The following TMC2 variants were observed in gnomAD, a reference collection of about 807,000 sequenced individuals.
TMC2 encodes the protein transmembrane channel-like protein 2.
In TMC2, 102 loss-of-function variants were observed where a neutral mutation model predicts 105.9. That is an observed-to-expected ratio of 0.96 (90% CI 0.82 to 1.14). TMC2 has a LOEUF of 1.14. TMC2 is among the 50% of genes most tolerant of loss of function. TMC2 has a pLI of 0.00. For synonymous variants in TMC2, 402 were observed against 422.8 expected, an observed-to-expected ratio of 0.95 and a Z score of 0.60; for missense variants, 1,093 against 1,134.3, an observed-to-expected ratio of 0.96 and a Z score of 0.52.
At position 2,591,765 on chromosome 20, in the gene TMC2, G is replaced by GGAAAA. The variant is rs201064401; in HGVS notation, c.835-535_835-531dup. On this transcript the variant is annotated intron_variant, in intron 7 of 19. Coordinates refer to ENST00000358864, the MANE Select transcript of TMC2 (RefSeq NM_080751.3). ...GAAAAGAAAAGAAAAGAAAAGGAAA[G>GGAAAA]GAAAAGAAAAGAAACGCTCTTCTGT... is the stretch of plus-strand genomic sequence containing the variant. Among the ~76,000 whole-genome samples, 118 of 151,674 alleles carry GGAAAA rather than the reference G, an allele frequency of 7.8e-4. 1 individual carries two copies. The East Asian group carries it at 0.021, about 27-fold the overall frequency.
At chr20:2,625,204 T>C (rs1447695338) in intron 17 of TMC2, among the ~76,000 whole-genome samples, 5 of 152,334 alleles carry the variant, frequency 3.3e-5, no homozygotes, top group African/African-American at 1.2e-4. Context: ...AAAAATCTTA[T>C]TTTGGCATGC....
intron 2 of TMC2, among the ~76,000 whole-genome samples, chr20:2,549,080 T>C (rs2085941719): frequency 6.6e-6 from 1 of 152,142 alleles, no homozygotes; most frequent in South Asian, 2.1e-4. Flanking sequence ...GGTTTTTTGG[T>C]TTTGTATTTG....
rs1307384245 is a variant in TMC2, at chr20:2,602,259, A to G, written c.1371A>G (p.Gln457=). 3.1e-6 allele frequency: 5 copies of G among 1,609,732 alleles called. No homozygotes were observed. Among genetic ancestry groups the G allele is most frequent in the South Asian group, 2.2e-5 (2 of 90,010 alleles). ...LIYFVVKRSQ[Q]FSKMQNVSWY... ...ACTTTGTGGTTAAGCGATCTCAGCA[A>G]TTCTCCAAAATGCAGAATGTCAGCT... The change falls in exon 11 of 20, where the codon CAA becomes CAG. Residue 457 remains glutamine (Q), a synonymous_variant. Transcript: ENST00000358864.
At position 2,562,218 on chromosome 20, in the gene TMC2, C is replaced by T. The variant is rs527458632; in HGVS notation, c.554+208C>T. On this transcript the variant is annotated intron_variant, in intron 4 of 19. Coordinates refer to ENST00000358864, the MANE Select transcript of TMC2 (RefSeq NM_080751.3). The stretch of plus-strand genomic sequence containing the variant: ...CCTAGAGGGGGAGCCATGGAAGACT[C>T]GGAGGACTCCCGACCTGTGCCCATG... Among the ~76,000 whole-genome samples, 23 of 152,374 alleles carry T rather than the reference C, an allele frequency of 1.5e-4. No individual in the cohort carries two copies. The East Asian group carries it at 3.7e-3, about 24-fold the overall frequency.
intron 17 of TMC2, among the ~76,000 whole-genome samples, chr20:2,632,340 A>C (rs183184551): frequency 7.2e-5 from 11 of 151,844 alleles, no homozygotes; most frequent in South Asian, 6.2e-4. Context: ...TATTTTATTT[A>C]TTTCTTTTTG....
In TMC2 at chr20:2,592,005, A is replaced by C. The variant is rs2086272508; in HGVS notation, c.835-305A>C. 2.0e-5 allele frequency among the ~76,000 whole-genome samples: 3 copies of C among 152,184 alleles called. No homozygotes were observed. In the South Asian group the frequency reaches 6.2e-4, roughly 32 times the overall value. On this transcript the variant is annotated intron_variant, in intron 7 of 19. Coordinates refer to ENST00000358864, the MANE Select transcript of TMC2 (RefSeq NM_080751.3). This position sits in a 1 kb window ranked among gnomAD's most constrained non-coding sequence, Gnocchi z 4.9. ...CCTGTCTCTACTAAAAATACAAAAC[A>C]GCCAGGCATGTTGGCAGGCACCTGT...
chr20:2,623,578 G>T (rs566578578), intron 16 of TMC2, among the ~76,000 whole-genome samples: 1 of 151,332 alleles, frequency 6.6e-6, no homozygotes, highest in East Asian at 1.9e-4. Context: ...AATTGTCCAC[G>T]TGTCTCACCA....
rs78498517 is a variant in TMC2, at chr20:2,635,315, G to A, written c.2307-611G>A. Among the ~76,000 whole-genome samples the A allele has an allele frequency of 5.4e-3, 825 of 151,842 alleles. 8 individuals are homozygous for A. Among genetic ancestry groups the A allele is most frequent in the African/African-American group, 0.019 (785 of 41,374 alleles). ...AGGAGGCTTCAGAGCATCTGCAATT[G>A]TGCTTCTTCGGCAAACTTAGGTCTC... On this transcript the variant is annotated intron_variant, in intron 17 of 19. Coordinates refer to ENST00000358864, the MANE Select transcript of TMC2 (RefSeq NM_080751.3).
At chr20:2,580,386 T>C (rs1335684220) in intron 7 of TMC2, among the ~76,000 whole-genome samples, 1 of 152,208 alleles carries the variant, frequency 6.6e-6, no homozygotes, top group African/African-American at 2.4e-5. Context: ...AAATACTTTG[T>C]TCCTTAATTA....
rs2086168476 is a variant in TMC2 at position 2,579,130 on chromosome 20, A to T, written c.646-16A>T. 2 of 1,420,734 alleles carry T rather than the reference A, an allele frequency of 1.4e-6. No individual in the cohort carries two copies. The highest frequency in any genetic ancestry group is 2.0e-6 in the Non-Finnish European group (2 of 1,004,700). 88.0% of individuals were successfully genotyped at this position (1,420,734 alleles called of 1,614,324 possible). On this transcript the variant is annotated splice_polypyrimidine_tract_variant and intron_variant, in intron 5 of 19. Coordinates refer to ENST00000358864, the MANE Select transcript of TMC2 (RefSeq NM_080751.3). Reference sequence around the variant, plus strand: ...GACATGTTAAGGAACTGAGAGTTTTACGTCTTTTATTTCAGAAATGGGTCA... The same window carrying T: ...GACATGTTAAGGAACTGAGAGTTTTTCGTCTTTTATTTCAGAAATGGGTCA...
At chr20:2,543,332 G>A (rs967045257) in intron 2 of TMC2, among the ~76,000 whole-genome samples, 4 of 152,154 alleles carry the variant, frequency 2.6e-5, no homozygotes, top group African/African-American at 7.2e-5. Context: ...AGACAAAACC[G>A]ATCTATTGCT....
chr20:2,587,839 T>C (rs755445248), intron 7 of TMC2, among the ~76,000 whole-genome samples: 2 of 152,214 alleles, frequency 1.3e-5, no homozygotes, highest in Non-Finnish European at 2.9e-5. Flanking sequence ...ACAATAGATC[T>C]CTTGAATTTA....
chr20:2,596,203 T>C (rs2086305431), intron 9 of TMC2, among the ~76,000 whole-genome samples: 1 of 152,096 alleles, frequency 6.6e-6, no homozygotes, highest in East Asian at 1.9e-4. Flanking sequence ...GGTCAAACTC[T>C]AGGGAGCATA....
chr20:2,627,892 G>A (rs765059893), intron 17 of TMC2, among the ~76,000 whole-genome samples: 2 of 152,184 alleles, frequency 1.3e-5, no homozygotes, highest in Non-Finnish European at 2.9e-5. Flanking sequence ...AGAAGGCCGA[G>A]CATGGTGGCT....
rs913771631 is a variant in TMC2 at position 2,592,782 on chromosome 20, C to T, written c.933+374C>T. Reference sequence around the variant, plus strand: ...ATGACATCTTCAACTGAATGTCCTACTTGCTCTTCAAATGCAACACCTATC... The same window carrying T: ...ATGACATCTTCAACTGAATGTCCTATTTGCTCTTCAAATGCAACACCTATC... On this transcript the variant is annotated intron_variant, in intron 8 of 19. Coordinates refer to ENST00000358864, the MANE Select transcript of TMC2 (RefSeq NM_080751.3). This position sits in a 1 kb window ranked among gnomAD's most constrained non-coding sequence, Gnocchi z 4.9. 1.3e-5 allele frequency among the ~76,000 whole-genome samples: 2 copies of T among 152,176 alleles called. No homozygotes were observed. Among genetic ancestry groups the T allele is most frequent in the Non-Finnish European group, 2.9e-5 (2 of 68,034 alleles).
intron 2 of TMC2, among the ~76,000 whole-genome samples, chr20:2,547,872 C>T (rs987333883): frequency 2.6e-5 from 4 of 152,190 alleles, no homozygotes; most frequent in African/African-American, 7.2e-5. Flanking sequence ...TGCAAACTTT[C>T]TGCTATTTTC....
chr20:2,622,919 A>G (rs192131601), intron 16 of TMC2, among the ~76,000 whole-genome samples: 1 of 152,236 alleles, frequency 6.6e-6, no homozygotes, highest in African/African-American at 2.4e-5. Flanking sequence ...TACTTAAAAT[A>G]CCATATTATA....
At chr20:2,626,204 C>A (rs1302324050) in intron 17 of TMC2, among the ~76,000 whole-genome samples, 4 of 152,152 alleles carry the variant, frequency 2.6e-5, no homozygotes, top group African/African-American at 9.7e-5. Context: ...TAAGAAACAA[C>A]CCCCAAAACT....
intron 2 of TMC2, among the ~76,000 whole-genome samples, chr20:2,537,678 C>G (rs183313660): frequency 6.6e-6 from 1 of 152,268 alleles, no homozygotes; most frequent in African/African-American, 2.4e-5. Context: ...GAGGAACACT[C>G]TTAACCTCCA....
Sources: allele counts gnomAD v4.1 joint callset (sites outside exome capture counted in the v4.1 genomes callset), GRCh38; gene constraint gnomAD v4.1.1; non-coding constraint Gnocchi (gnomAD v3.1); transcripts MANE v1.5; gene names NCBI Gene and HGNC (gene_info 2026-07-23, HGNC 2026-07-21).